SH3RF2: variants seen among roughly 807,000 people sequenced by gnomAD.
SH3RF2 encodes E3 ubiquitin-protein ligase SH3RF2.
In SH3RF2, 43 loss-of-function variants were observed where a neutral mutation model predicts 59.0. The ratio of observed to expected loss-of-function variants is 0.73; its 90% CI spans 0.57 to 0.94. SH3RF2 has a LOEUF of 0.94. Among genes scored for constraint, SH3RF2 ranks in the 40% least tolerant of loss-of-function variants. SH3RF2 has a pLI of 0.00. For synonymous variants in SH3RF2, 391 were observed against 391.5 expected (o/e 1.00, Z 0.01); for missense variants, 930 against 940.1 (o/e 0.99, Z 0.14).
At chr5:146,057,966 C>CTCTCTCTCTCTCTCTCTATCTA (rs796279528) in intron 8 of SH3RF2, among the ~76,000 whole-genome samples, 3 of 72,924 alleles carry the variant, frequency 4.1e-5, no homozygotes, top group African/African-American at 1.2e-4. Flanking sequence ...CTCTCTCTCT[C>CTCTCTCTCTCTCTCTCTATCTA]TCTATCTATC....
chr5:145,975,350 A>G (rs1759248373), intron 2 of SH3RF2, among the ~76,000 whole-genome samples: 1 of 152,254 alleles, frequency 6.6e-6, no homozygotes, highest in South Asian at 2.1e-4. Context: ...TGAACATGGC[A>G]CATCCCTGAC....
chr5:145,971,297 A>G (rs1476805279), intron 2 of SH3RF2, among the ~76,000 whole-genome samples: 1 of 152,358 alleles, frequency 6.6e-6, no homozygotes, highest in East Asian at 1.9e-4. Context: ...CAACAAGCCA[A>G]TAACAGTAGT....
At position 146,040,416 on chromosome 5, in the gene SH3RF2, G is replaced by A. The variant is rs146299936; in HGVS notation, c.1060-7356G>A. Among the ~76,000 whole-genome samples, 449 of 152,246 alleles carry A rather than the reference G, an allele frequency of 2.9e-3. 4 individuals are homozygous for A. Among genetic ancestry groups the A allele is most frequent in the African/African-American group, 0.01 (422 of 41,530 alleles). Reference sequence around the variant, plus strand: ...AGTGGGAAGTAACAGGTAGGGGGGTGGCCAGGAGAAGTGCAAGGTCAGGGG... The same window carrying A: ...AGTGGGAAGTAACAGGTAGGGGGGTAGCCAGGAGAAGTGCAAGGTCAGGGG... On this transcript the variant is annotated intron_variant, in intron 5 of 9. Coordinates refer to ENST00000359120, the MANE Select transcript of SH3RF2 (RefSeq NM_152550.4).
downstream of SH3RF2, among the ~76,000 whole-genome samples, chr5:146,064,868 A>G (rs533776634): frequency 1.1e-4 from 13 of 117,958 alleles, 1 homozygote; most frequent in African/African-American, 3.3e-4. Context: ...AAGAAAGAGA[A>G]AGAAAAAGAA....
At chr5:145,997,933 A>G in intron 2 of SH3RF2, 1 of 809,660 alleles carries the variant, frequency 1.2e-6, no homozygotes, top group East Asian at 2.4e-5. Flanking sequence ...GGTGCTACAC[A>G]GTTTATGCCT....
downstream of SH3RF2, among the ~76,000 whole-genome samples, chr5:146,063,956 A>T (rs935923498): frequency 6.6e-6 from 1 of 152,210 alleles, no homozygotes; most frequent in African/African-American, 2.4e-5. Flanking sequence ...TATTGTTTGC[A>T]TTGCAATATT....
At chr5:146,015,700 G>C (rs537136809) in intron 5 of SH3RF2, among the ~76,000 whole-genome samples, 7 of 152,294 alleles carry the variant, frequency 4.6e-5, no homozygotes, top group Non-Finnish European at 4.4e-5. Flanking sequence ...ATCTACGGAG[G>C]CTGGACTAGA....
intron 5 of SH3RF2, among the ~76,000 whole-genome samples, chr5:146,016,369 TG>T (rs1561743803): frequency 0.029 from 4,426 of 151,240 alleles, 231 homozygotes; most frequent in African/African-American, 0.1. Context: ...GATGGATGGA[TG>T]GATGGATGGA....
chr5:145,981,825 C>T (rs1213899310), intron 2 of SH3RF2, among the ~76,000 whole-genome samples: 1 of 152,188 alleles, frequency 6.6e-6, no homozygotes, highest in Non-Finnish European at 1.5e-5. Context: ...CTGTATTGGA[C>T]AGCATAGAAT....
chr5:145,949,417 T>C (rs999237), intron 2 of SH3RF2, among the ~76,000 whole-genome samples: 14,674 of 152,198 alleles, frequency 0.096, 1,067 homozygotes, highest in East Asian at 0.27. Context: ...TCAGGAAAGG[T>C]GTTCGTCTGT....
Position 145,937,823 on chromosome 5 carries a change from G to T in SH3RF2, c.-106G>T. On this transcript the variant is annotated splice_region_variant and 5_prime_UTR_variant, in exon 2 of 10. Transcript: ENST00000359120. ...TCTCTCCTCTCCCTCCTTCAAGCAGGCAAAAATTCTGACGTTCTCAAGAGA... is the reference window on the plus strand; with the variant it reads ...TCTCTCCTCTCCCTCCTTCAAGCAGTCAAAAATTCTGACGTTCTCAAGAGA... The T allele has an allele frequency of 4.3e-6, 6 of 1,399,978 alleles. No individual in the cohort carries two copies. Among genetic ancestry groups the T allele is most frequent in the Non-Finnish European group, 5.8e-6 (6 of 1,040,176 alleles). The allele number at this position is 1,399,978 out of a possible 1,614,324, so 86.7% of individuals were successfully genotyped here.
Position 145,995,187 on chromosome 5 carries a change from T to C in SH3RF2, c.379-4871T>C, listed in dbSNP as rs545561267. Reference sequence around the variant, plus strand: ...GGCAGCTAGAGCTCTAGGGATCATGTCTGCATTCCACATAGCAAGATGGAG... The same window carrying C: ...GGCAGCTAGAGCTCTAGGGATCATGCCTGCATTCCACATAGCAAGATGGAG... On this transcript the variant is annotated intron_variant, in intron 2 of 9. Coordinates refer to ENST00000359120, the MANE Select transcript of SH3RF2 (RefSeq NM_152550.4). Among the ~76,000 whole-genome samples, 4 of 152,258 alleles carry C rather than the reference T, an allele frequency of 2.6e-5. No individual in the cohort carries two copies. The South Asian group carries it at 6.2e-4, about 24-fold the overall frequency.
intron 2 of SH3RF2, among the ~76,000 whole-genome samples, chr5:145,958,700 A>G (rs949836570): frequency 6.6e-6 from 1 of 152,192 alleles, no homozygotes; most frequent in African/African-American, 2.4e-5. Context: ...GAACACACAC[A>G]AGGACCAAAC....
intron 7 of SH3RF2, 66 bp from the exon 8 acceptor site, chr5:146,055,915 A>G: frequency 6.5e-7 from 1 of 1,538,906 alleles, no homozygotes; most frequent in Non-Finnish European, 8.8e-7. Context: ...GTTTTTAAAT[A>G]GGACTCTTGA....
At chr5:145,990,088 A>T in intron 2 of SH3RF2, among the ~76,000 whole-genome samples, 1 of 152,218 alleles carries the variant, frequency 6.6e-6, no homozygotes, top group East Asian at 1.9e-4. Flanking sequence ...TAAATTGGGG[A>T]TATAGAGAAT....
Position 145,953,447 on chromosome 5 carries a change from G to T in SH3RF2, c.378+15141G>T, listed in dbSNP as rs552466812. Among the ~76,000 whole-genome samples the T allele has an allele frequency of 6.6e-5, 10 of 152,276 alleles. 1 individual carries two copies. The highest frequency in any genetic ancestry group is 2.2e-4 in the African/African-American group (9 of 41,554). ...GGGGTGGTAAGCACTGAGGCGAGTG[G>T]CATGAGATAAGCTGCAGGGGAAGAT... is the stretch of plus-strand genomic sequence containing the variant. On this transcript the variant is annotated intron_variant, in intron 2 of 9. Transcript: ENST00000359120.
intron 9 of SH3RF2, among the ~76,000 whole-genome samples, chr5:146,076,050 T>C (rs1459564083): frequency 6.6e-6 from 1 of 152,136 alleles, no homozygotes; most frequent in Admixed American, 6.5e-5. Flanking sequence ...TATTAAAATG[T>C]CAGTTGATCT....
chr5:146,071,631 A>C (rs1561776611), intron 9 of SH3RF2, among the ~76,000 whole-genome samples: 1 of 152,228 alleles, frequency 6.6e-6, no homozygotes, highest in Non-Finnish European at 1.5e-5. Context: ...GTCCACTAGA[A>C]TGTCACAAGA....
chr5:145,941,222 A>C (rs972058250), intron 2 of SH3RF2, among the ~76,000 whole-genome samples: 2 of 152,228 alleles, frequency 1.3e-5, no homozygotes, highest in East Asian at 1.9e-4. Flanking sequence ...CTAAAAAACA[A>C]GCTCATCAAG....
Sources: allele counts gnomAD v4.1 joint callset (sites outside exome capture counted in the v4.1 genomes callset), GRCh38; gene constraint gnomAD v4.1.1; transcripts MANE v1.5; gene names NCBI Gene and HGNC (gene_info 2026-07-23, HGNC 2026-07-21).